Variants in NSMCE2 observed in about 807,000 individuals in gnomAD.
The protein encoded by NSMCE2 is E3 SUMO-protein ligase NSE2.
Under a neutral mutation model 23.8 loss-of-function variants are expected in NSMCE2, and 24 were observed. The observed-to-expected ratio is 1.01, with a 90% confidence interval of 0.73 to 1.42. NSMCE2 has a LOEUF of 1.42. Among genes scored for constraint, NSMCE2 ranks in the 40% most tolerant of loss-of-function variants. NSMCE2 has a pLI of 0.00. For synonymous variants in NSMCE2, 92 were observed against 94.1 expected (o/e 0.98, Z 0.13); for missense variants, 284 against 296.5 (o/e 0.96, Z 0.31).
At chr8:125,125,622 G>A (rs1819482200) in intron 3 of NSMCE2, among the ~76,000 whole-genome samples, 1 of 152,190 alleles carries the variant, frequency 6.6e-6, no homozygotes, top group Non-Finnish European at 1.5e-5. Flanking sequence ...TGATGAGTAG[G>A]CATTCCCTAG....
At chr8:125,316,730 CTTTT>C (rs374809693) in intron 5 of NSMCE2, among the ~76,000 whole-genome samples, 24 of 66,540 alleles carry the variant, frequency 3.6e-4, no homozygotes, top group South Asian at 1.0e-3. Context: ...TTCTTTCCTT[CTTTT>C]CCTTCCTTCC....
chr8:125,263,617 G>A (rs967027837), intron 5 of NSMCE2, among the ~76,000 whole-genome samples: 1 of 152,106 alleles, frequency 6.6e-6, no homozygotes, highest in Admixed American at 6.6e-5. Flanking sequence ...GGGCATGGTA[G>A]CACGCGCCTA....
At chr8:125,278,448 G>A (rs1827561102) in intron 5 of NSMCE2, among the ~76,000 whole-genome samples, 1 of 152,236 alleles carries the variant, frequency 6.6e-6, no homozygotes, top group African/African-American at 2.4e-5. Context: ...GCGAAGGCAA[G>A]CCATTGCCAG....
intron 5 of NSMCE2, among the ~76,000 whole-genome samples, chr8:125,231,213 G>A (rs1317432250): frequency 2.0e-5 from 3 of 152,168 alleles, no homozygotes; most frequent in Non-Finnish European, 4.4e-5. Context: ...TGTTTTACAG[G>A]TAGCAGTAGG....
At chr8:125,233,762 T>C (rs941060685) in intron 5 of NSMCE2, among the ~76,000 whole-genome samples, 1 of 152,120 alleles carries the variant, frequency 6.6e-6, no homozygotes, top group African/African-American at 2.4e-5. Flanking sequence ...CAGATCTAGG[T>C]TGGTTTCTGT....
chr8:125,348,212 G>A (rs1812863201), intron 5 of NSMCE2: 1 of 152,072 alleles, frequency 6.6e-6, no homozygotes, highest in Admixed American at 6.6e-5. Context: ...AATTACAGAA[G>A]TATATAATGT....
chr8:125,349,889 C>T (rs1015537185), intron 5 of NSMCE2, among the ~76,000 whole-genome samples: 7 of 152,166 alleles, frequency 4.6e-5, no homozygotes, highest in African/African-American at 1.4e-4. Flanking sequence ...GCACCCCGAG[C>T]GAGAGTGAAG....
chr8:125,117,348 A>G (rs1469073059), intron 3 of NSMCE2, among the ~76,000 whole-genome samples: 1 of 151,968 alleles, frequency 6.6e-6, no homozygotes, highest in East Asian at 1.9e-4. Flanking sequence ...CAGCCTCCCA[A>G]AGTGCTAGGA....
intron 3 of NSMCE2, among the ~76,000 whole-genome samples, chr8:125,112,509 T>C (rs948935074): frequency 6.6e-6 from 1 of 152,144 alleles, no homozygotes; most frequent in Non-Finnish European, 1.5e-5. Flanking sequence ...AATGGATGAA[T>C]GCATAAAGAA....
chr8:125,321,699 CG>C (rs1326374182), intron 5 of NSMCE2, among the ~76,000 whole-genome samples: 1 of 152,096 alleles, frequency 6.6e-6, no homozygotes, highest in African/African-American at 2.4e-5. Context: ...TTATGACCAA[CG>C]GGGGGTTATT....
chr8:125,118,177 C>G (rs1819109897), intron 3 of NSMCE2, among the ~76,000 whole-genome samples: 1 of 152,000 alleles, frequency 6.6e-6, no homozygotes, highest in African/African-American at 2.4e-5. Flanking sequence ...CAAACCCCAT[C>G]TCTACTAAAA....
At chr8:125,356,326 GTTTTT>G (rs747884264) in intron 5 of NSMCE2, among the ~76,000 whole-genome samples, 1 of 105,434 alleles carries the variant, frequency 9.5e-6, no homozygotes, top group African/African-American at 3.6e-5. Context: ...TAATTTTTTG[GTTTTT>G]TTTTTTTTTT....
At position 125,272,883 on chromosome 8, in the gene NSMCE2, G is replaced by A. The variant is rs868565613; in HGVS notation, c.419-84336G>A. Among the ~76,000 whole-genome samples the A allele has an allele frequency of 2.5e-3, 319 of 128,666 alleles. 14 individuals carry two copies. Among genetic ancestry groups the A allele is most frequent in the African/African-American group, 9.1e-3 (300 of 32,946 alleles). The allele number at this position is 128,666 out of a possible 152,430, so 84.4% of individuals were successfully genotyped here. A position where few individuals can be genotyped will look rare whatever the true frequency, so the allele number is the denominator to read the frequency against. On this transcript the variant is annotated intron_variant, in intron 5 of 7. Transcript: ENST00000287437. ...TATATATACACACGTATACGTGTGT[G>A]TATATATATATAAAAGGCTGTGTAA...
At chr8:125,309,263 A>G (rs1260678944) in intron 5 of NSMCE2, among the ~76,000 whole-genome samples, 2 of 152,000 alleles carry the variant, frequency 1.3e-5, no homozygotes, top group African/African-American at 2.4e-5. Context: ...AAAAAAAAAA[A>G]AAAAAAAGAA....
At chr8:125,324,353 A>G (rs1252918730) in intron 5 of NSMCE2, among the ~76,000 whole-genome samples, 2 of 152,096 alleles carry the variant, frequency 1.3e-5, no homozygotes, top group African/African-American at 2.4e-5. Context: ...GACTTCTACT[A>G]CACAAATGTT....
intron 1 of NSMCE2, among the ~76,000 whole-genome samples, chr8:125,096,714 G>T (rs569402063): frequency 7.1e-6 from 1 of 141,114 alleles, no homozygotes; most frequent in African/African-American, 2.6e-5. Context: ...GGATTCAAGC[G>T]ATTCTTCTGC....
chr8:125,237,193 T>C (rs984493958), intron 5 of NSMCE2, among the ~76,000 whole-genome samples: 1 of 152,096 alleles, frequency 6.6e-6, no homozygotes, highest in Non-Finnish European at 1.5e-5. Context: ...AATTACCCCC[T>C]GAAAAGTAAA....
chr8:125,184,287 ACTTT>A (rs1347786455), intron 5 of NSMCE2, among the ~76,000 whole-genome samples: 12 of 152,356 alleles, frequency 7.9e-5, no homozygotes, highest in African/African-American at 2.6e-4. Context: ...ATGGAGAAAC[ACTTT>A]CTAATTAAGA....
chr8:125,282,110 C>T (rs1440504353), intron 5 of NSMCE2, among the ~76,000 whole-genome samples: 1 of 149,164 alleles, frequency 6.7e-6, no homozygotes, highest in Admixed American at 6.8e-5. Flanking sequence ...TAATGTCATC[C>T]CTTAATTTTT....
Sources: gnomAD v4.1 joint callset for allele counts (sites outside exome capture counted in the v4.1 genomes callset) on GRCh38, gnomAD v4.1.1 for gene constraint, MANE v1.5 for transcripts, NCBI Gene and HGNC (gene_info 2026-07-23, HGNC 2026-07-21) for gene names.